The following DNAH11 variants were observed in gnomAD, a reference collection of about 807,000 sequenced individuals.
DNAH11 encodes axonemal beta dynein heavy chain 11.
In DNAH11, 442 loss-of-function variants were observed where a neutral mutation model predicts 526.0. The observed-to-expected ratio is 0.84, with a 90% confidence interval of 0.78 to 0.91. The LOEUF is 0.91. Among genes scored for constraint, DNAH11 ranks in the 40% least tolerant of loss-of-function variants. The probability of loss-of-function intolerance (pLI) is 0.00; values close to 1 mark genes in which losing one functional copy is unlikely to be tolerated. For synonymous variants in DNAH11, 2,461 were observed against 1,935.9 expected (o/e 1.27, Z -7.12); for missense variants, 6,989 against 5,448.7 (o/e 1.28, Z -8.90).
chr7:21,763,937 A>G (rs6978510), intron 54 of DNAH11, among the ~76,000 whole-genome samples: 32,635 of 151,608 alleles, frequency 0.22, 4,125 homozygotes, highest in East Asian at 0.54. Flanking sequence ...AGCCAGTCAC[A>G]GAAGGACAAT....
intron 61 of DNAH11, 78 bp from the exon 62 acceptor site, chr7:21,801,059 T>C: frequency 6.8e-7 from 1 of 1,459,864 alleles, no homozygotes; most frequent in Non-Finnish European, 9.4e-7. Flanking sequence ...TACCTTACAG[T>C]AACAGATGTT....
chr7:21,823,187 A>G (rs1790128360), intron 65 of DNAH11, among the ~76,000 whole-genome samples: 1 of 151,968 alleles, frequency 6.6e-6, no homozygotes, highest in African/African-American at 2.4e-5. Context: ...TTATCCCCAA[A>G]ATCTTTTAAC....
intron 28 of DNAH11, among the ~76,000 whole-genome samples, chr7:21,647,447 T>TTG (rs1787407655): frequency 6.8e-6 from 1 of 147,762 alleles, no homozygotes; most frequent in African/African-American, 2.6e-5. Flanking sequence ...TTTTTTTTTT[T>TTG]GAGACAGAGT....
Position 21,862,009 on chromosome 7 carries a change from CA to C in DNAH11, c.11360del (p.Gln3787ArgfsTer8). ...FEKDKLTFLS[Q>X]MAFQILLRKK... ...GAAGGACAAGCTCACCTTCCTGTCC[CA>C]GATGGCTTTTCAGGTAAGGAGATCA... On this transcript the variant is annotated frameshift_variant, in exon 69 of 82. Coordinates refer to ENST00000409508, the MANE Select transcript of DNAH11 (RefSeq NM_001277115.2). LOFTEE classifies it high-confidence loss of function. 6.2e-7 allele frequency: 1 copy of C among 1,612,230 alleles called. No homozygotes were observed. The highest frequency in any genetic ancestry group is 8.5e-7 in the Non-Finnish European group (1 of 1,179,172).
At chr7:21,637,913 T>C (rs1363348039) in intron 27 of DNAH11, among the ~76,000 whole-genome samples, 1 of 152,178 alleles carries the variant, frequency 6.6e-6, no homozygotes, top group Non-Finnish European at 1.5e-5. Flanking sequence ...ATATTTGTTT[T>C]CTGAGAGGAG....
At chr7:21,545,414 A>G (rs143730423) in intron 2 of DNAH11, among the ~76,000 whole-genome samples, 258 of 152,140 alleles carry the variant, frequency 1.7e-3, no homozygotes, top group African/African-American at 5.8e-3. Flanking sequence ...TGCAGGGATC[A>G]TTCTCTCCCT....
At chr7:21,655,340 A>G (rs1261573642) in intron 28 of DNAH11, among the ~76,000 whole-genome samples, 3 of 152,178 alleles carry the variant, frequency 2.0e-5, no homozygotes, top group East Asian at 3.8e-4. Flanking sequence ...TGTACCAAGG[A>G]TACTGTGGGG....
chr7:21,602,614 T>G (rs1344425744), intron 18 of DNAH11, among the ~76,000 whole-genome samples: 1 of 151,614 alleles, frequency 6.6e-6, no homozygotes, highest in Non-Finnish European at 1.5e-5. Context: ...CACATGTACT[T>G]GAATTTTGCA....
chr7:21,758,395 G>A (rs1786729112), intron 54 of DNAH11, among the ~76,000 whole-genome samples: 1 of 152,082 alleles, frequency 6.6e-6, no homozygotes, highest in Non-Finnish European at 1.5e-5. Context: ...ACCCAGAAAA[G>A]TTTTTTTCAA....
chr7:21,616,785 A>G (rs891214687), intron 22 of DNAH11, among the ~76,000 whole-genome samples: 12 of 152,170 alleles, frequency 7.9e-5, no homozygotes, highest in Admixed American at 2.0e-4. Flanking sequence ...AACTGAGCCT[A>G]TTGTAATTTG....
chr7:21,682,666 T>G (rs1335227202), intron 31 of DNAH11, among the ~76,000 whole-genome samples: 1 of 152,192 alleles, frequency 6.6e-6, no homozygotes, highest in Non-Finnish European at 1.5e-5. Context: ...TCTACTGGGT[T>G]ACGCTTGTTT....
chr7:21,580,946 C>T (rs1200551066), intron 8 of DNAH11, among the ~76,000 whole-genome samples: 1 of 152,146 alleles, frequency 6.6e-6, no homozygotes, highest in Non-Finnish European at 1.5e-5. Context: ...TTAGGTGAAT[C>T]ATTTAACTTC....
intron 57 of DNAH11, among the ~76,000 whole-genome samples, chr7:21,783,526 C>G (rs142547512): frequency 1.3e-5 from 2 of 152,152 alleles, no homozygotes; most frequent in Admixed American, 6.5e-5. Flanking sequence ...GTGGCTAGAT[C>G]CTGGTGCCCA....
chr7:21,599,823 G>A lies in DNAH11; in HGVS notation c.2704G>A (p.Asp902Asn). Residue 902 changes from aspartate to asparagine, a missense_variant, in exon 15 of 82, where the codon GAT becomes AAT. Transcript: ENST00000409508. ...RKLFKANPSL[D>N]TWKIYVEFID... Reference sequence around the variant, plus strand: ...GCTCTTCAAAGCCAATCCCTCTCTGGATACCTGGAAAATTTATGTAGAATT... The same window carrying A: ...GCTCTTCAAAGCCAATCCCTCTCTGAATACCTGGAAAATTTATGTAGAATT... 3.8e-6 allele frequency: 6 copies of A among 1,591,810 alleles called. No homozygotes were observed. Among genetic ancestry groups the A allele is most frequent in the Non-Finnish European group, 5.1e-6 (6 of 1,165,856 alleles).
chr7:21,636,161 C>A lies in DNAH11; in HGVS notation c.4725+66C>A, dbSNP rs532667821. On this transcript the variant is annotated intron_variant, in intron 26 of 81. Transcript: ENST00000409508. ...TGTAAAGTAACATGGTTTTGAGCATCGTATTTATAAAAATGAATGCATTTT... is the reference window on the plus strand; with the variant it reads ...TGTAAAGTAACATGGTTTTGAGCATAGTATTTATAAAAATGAATGCATTTT... 117 of 1,345,528 alleles carry A rather than the reference C, an allele frequency of 8.7e-5. 1 individual carries two copies. The South Asian group carries it at 1.7e-3, about 20-fold the overall frequency. 83.3% of individuals were successfully genotyped at this position (1,345,528 alleles called of 1,614,324 possible).
At chr7:21,644,504 T>A (rs1229192463) in intron 28 of DNAH11, among the ~76,000 whole-genome samples, 2 of 152,132 alleles carry the variant, frequency 1.3e-5, no homozygotes, top group African/African-American at 4.8e-5. Flanking sequence ...CATAAAAAAA[T>A]TCTAACTTTC....
intron 58 of DNAH11, among the ~76,000 whole-genome samples, chr7:21,785,739 A>C (rs1481105018): frequency 6.6e-6 from 1 of 152,224 alleles, no homozygotes; most frequent in Non-Finnish European, 1.5e-5. Flanking sequence ...CCAGCTCTCA[A>C]TTCTTACTAG....
rs898460025 is a variant in DNAH11 at position 21,599,720 on chromosome 7, C to T, written c.2668-67C>T. 92 of 1,196,558 alleles carry T rather than the reference C, an allele frequency of 7.7e-5. 3 individuals are homozygous for T. The South Asian group carries it at 9.1e-4, about 12-fold the overall frequency. 74.1% of individuals were successfully genotyped at this position (1,196,558 alleles called of 1,614,324 possible). ...TCTCTTCTTTTACAAACTATTTAAA[C>T]GGAGAGTTTTAGTTTTTATGCTAAT... On this transcript the variant is annotated intron_variant, in intron 14 of 81. Transcript: ENST00000409508.
chr7:21,796,920 CAAT>C (rs1385837921), intron 61 of DNAH11, among the ~76,000 whole-genome samples: 2 of 151,876 alleles, frequency 1.3e-5, no homozygotes, highest in African/African-American at 2.4e-5. Flanking sequence ...TTTTTACAAA[CAAT>C]GATTAGTAAC....
Sources: allele counts gnomAD v4.1 joint callset (sites outside exome capture counted in the v4.1 genomes callset), GRCh38; gene constraint gnomAD v4.1.1; transcripts MANE v1.5; gene names NCBI Gene and HGNC (gene_info 2026-07-23, HGNC 2026-07-21).